The following LSAMP variants were observed in gnomAD, a reference collection of about 807,000 sequenced individuals.
The protein encoded by LSAMP is limbic system-associated membrane protein.
In LSAMP, 7 loss-of-function variants were observed where a neutral mutation model predicts 38.6. That is an observed-to-expected ratio of 0.18 (90% CI 0.10 to 0.34). LSAMP has a LOEUF of 0.34. Among genes scored for constraint, LSAMP ranks in the 10% least tolerant of loss-of-function variants. The probability of loss-of-function intolerance (pLI) is 1.00; values close to 1 mark genes in which losing one functional copy is unlikely to be tolerated. For missense variants in LSAMP, 313 were observed against 420.0 expected, an observed-to-expected ratio of 0.75 and a Z score of 2.23; for synonymous variants, 154 against 166.8, an observed-to-expected ratio of 0.92 and a Z score of 0.59.
chr3:115,897,410 T>G (rs1332706668), intron 3 of LSAMP, among the ~76,000 whole-genome samples: 1 of 152,038 alleles, frequency 6.6e-6, no homozygotes, highest in Non-Finnish European at 1.5e-5. Context: ...TATTTAGTTA[T>G]TTACCTCCCT....
intron 2 of LSAMP, among the ~76,000 whole-genome samples, chr3:116,065,401 G>T (rs1707402598): frequency 6.6e-6 from 1 of 152,024 alleles, no homozygotes; most frequent in Admixed American, 6.6e-5. Context: ...TTTTATATTT[G>T]GTTGATATCT....
chr3:116,090,916 A>T (rs1708107608), intron 1 of LSAMP, among the ~76,000 whole-genome samples: 1 of 152,190 alleles, frequency 6.6e-6, no homozygotes, highest in African/African-American at 2.4e-5. Flanking sequence ...TTGCTAATGA[A>T]GTTTCGGGCA....
intron 3 of LSAMP, among the ~76,000 whole-genome samples, chr3:115,853,164 A>G (rs1477077433): frequency 6.6e-6 from 1 of 152,216 alleles, no homozygotes; most frequent in Non-Finnish European, 1.5e-5. Context: ...CACTCTTTAC[A>G]CCAACATTGT....
intron 1 of LSAMP, among the ~76,000 whole-genome samples, chr3:116,174,390 C>T (rs2107558668): frequency 6.6e-6 from 1 of 152,074 alleles, no homozygotes; most frequent in East Asian, 1.9e-4. Context: ...GCCTACCAAA[C>T]ACCACATTAA....
rs186758992 is a variant in LSAMP, at chr3:115,809,064, G to T, written c.*1253C>A. On this transcript the variant is annotated 3_prime_UTR_variant, in exon 7 of 7. Coordinates refer to ENST00000490035, the MANE Select transcript of LSAMP (RefSeq NM_002338.5). ...ACTTGGAGACCTTCCTGTTTCTGGG[G>T]ATTTACTCAACACATGCTGCTCATT... 1.3e-5 allele frequency: 2 copies of T among 152,296 alleles called. No homozygotes were observed. The highest frequency in any genetic ancestry group is 3.9e-4 in the East Asian group (2 of 5,182). The allele number at this position is 152,296 out of a possible 1,614,324, so 9.4% of individuals were successfully genotyped here. A position where few individuals can be genotyped will look rare whatever the true frequency, so the allele number is the denominator to read the frequency against.
chr3:116,300,977 A>G (rs2047400200), intron 1 of LSAMP, among the ~76,000 whole-genome samples: 1 of 151,854 alleles, frequency 6.6e-6, no homozygotes, highest in African/African-American at 2.4e-5. Flanking sequence ...AATATAATAA[A>G]TATTATTTTT....
intron 1 of LSAMP, among the ~76,000 whole-genome samples, chr3:116,300,388 T>C (rs761907141): frequency 6.6e-6 from 1 of 152,162 alleles, no homozygotes; most frequent in Non-Finnish European, 1.5e-5. Context: ...ACTGGGCAAG[T>C]GTTCAGAGGC....
At chr3:115,874,377 G>T (rs1936128563) in intron 3 of LSAMP, among the ~76,000 whole-genome samples, 1 of 151,800 alleles carries the variant, frequency 6.6e-6, no homozygotes, top group Admixed American at 6.6e-5. Flanking sequence ...TCAACCCCTA[G>T]GTTTTTGTCT....
intron 1 of LSAMP, among the ~76,000 whole-genome samples, chr3:116,228,916 A>T (rs1352153293): frequency 1.3e-5 from 2 of 152,106 alleles, no homozygotes; most frequent in Non-Finnish European, 1.5e-5. Flanking sequence ...TTCAGGAACC[A>T]CTTGGAAAAT....
At chr3:115,857,678 G>A (rs1157660439) in intron 3 of LSAMP, among the ~76,000 whole-genome samples, 2 of 152,070 alleles carry the variant, frequency 1.3e-5, no homozygotes, top group African/African-American at 2.4e-5. Flanking sequence ...TGTGTCTCCT[G>A]GCAATATTCA....
chr3:116,411,136 G>A (rs2048970275), intron 1 of LSAMP, among the ~76,000 whole-genome samples: 1 of 152,120 alleles, frequency 6.6e-6, no homozygotes, highest in African/African-American at 2.4e-5. Flanking sequence ...ACAGGTGCTG[G>A]AGAGGATGTG....
chr3:116,238,537 C>T (rs564725073), intron 1 of LSAMP, among the ~76,000 whole-genome samples: 41 of 152,266 alleles, frequency 2.7e-4, no homozygotes, highest in African/African-American at 9.9e-4. Flanking sequence ...GAACACTTTC[C>T]CTGTGGCCCC....
intron 1 of LSAMP, among the ~76,000 whole-genome samples, chr3:116,425,150 C>T (rs778658162): frequency 6.6e-6 from 1 of 152,090 alleles, no homozygotes. Flanking sequence ...CCAAAATTAG[C>T]AAGAAAGTAG....
intron 1 of LSAMP, among the ~76,000 whole-genome samples, chr3:116,387,793 A>C (rs2048643949): frequency 1.3e-5 from 2 of 152,138 alleles, no homozygotes; most frequent in African/African-American, 2.4e-5. Flanking sequence ...GATTTGATGT[A>C]ATTGAAAATA....
intron 1 of LSAMP, among the ~76,000 whole-genome samples, chr3:116,378,748 G>T (rs2048521463): frequency 6.6e-6 from 1 of 151,858 alleles, no homozygotes; most frequent in Non-Finnish European, 1.5e-5. Flanking sequence ...CTGAAGTAAG[G>T]TTGACATAAG....
intron 3 of LSAMP, among the ~76,000 whole-genome samples, chr3:115,900,456 C>T (rs1246618228): frequency 7.3e-6 from 1 of 137,008 alleles, no homozygotes; most frequent in Non-Finnish European, 1.5e-5. Context: ...GCGGAGGTTG[C>T]AGTGAGCCAA....
At chr3:116,326,886 G>A (rs912985478) in intron 1 of LSAMP, among the ~76,000 whole-genome samples, 1 of 151,990 alleles carries the variant, frequency 6.6e-6, no homozygotes, top group Non-Finnish European at 1.5e-5. Context: ...GTGGTCGTGG[G>A]TGTCATGAAA....
chr3:115,906,386 A>G (rs1160708769), intron 3 of LSAMP, among the ~76,000 whole-genome samples: 3 of 152,236 alleles, frequency 2.0e-5, no homozygotes, highest in Admixed American at 6.5e-5. Flanking sequence ...ACTGCTTTGG[A>G]CAGCAAATGA....
At chr3:116,358,900 A>G (rs1459032981) in intron 1 of LSAMP, among the ~76,000 whole-genome samples, 1 of 152,232 alleles carries the variant, frequency 6.6e-6, no homozygotes, top group Admixed American at 6.5e-5. Flanking sequence ...TTTTTGTAAT[A>G]ATATAGAGTA....
Sources: allele counts gnomAD v4.1 joint callset (sites outside exome capture counted in the v4.1 genomes callset), GRCh38; gene constraint gnomAD v4.1.1; transcripts MANE v1.5; gene names NCBI Gene and HGNC (gene_info 2026-07-23, HGNC 2026-07-21).